CAPZB: variants seen among roughly 807,000 people sequenced by gnomAD.
CAPZB encodes the protein F-actin-capping protein subunit beta.
In CAPZB, 2 loss-of-function variants were observed where a neutral mutation model predicts 38.1. The observed-to-expected ratio is 0.05, with a 90% confidence interval of 0.02 to 0.17. CAPZB has a LOEUF of 0.17. Ranked by LOEUF, CAPZB falls within the 10% of genes least tolerant of loss-of-function variation. The pLI, the probability that CAPZB is intolerant of heterozygous loss-of-function variation, is 1.00. For missense variants in CAPZB, 161 were observed against 334.2 expected, an observed-to-expected ratio of 0.48 and a Z score of 4.04; for synonymous variants, 107 against 127.4, an observed-to-expected ratio of 0.84 and a Z score of 1.08.
At chr1:19,397,376 C>T (rs1358215366) in intron 2 of CAPZB, among the ~76,000 whole-genome samples, 1 of 152,216 alleles carries the variant, frequency 6.6e-6, no homozygotes, top group Non-Finnish European at 1.5e-5. Context: ...TCCCACATTA[C>T]TGTTTACAGG....
intron 2 of CAPZB, among the ~76,000 whole-genome samples, chr1:19,405,840 G>A (rs185321581): frequency 4.4e-4 from 67 of 152,342 alleles, no homozygotes; most frequent in African/African-American, 1.6e-3. Context: ...TCGAGAGCTC[G>A]CCTGAAGGTT....
rs983115609 is a variant in CAPZB, at chr1:19,432,057, A to G, written c.4-12307T>C. Among the ~76,000 whole-genome samples the G allele has an allele frequency of 4.7e-3, 435 of 92,644 alleles. 2 individuals are homozygous for G. Among genetic ancestry groups the G allele is most frequent in the African/African-American group, 0.028 (418 of 15,048 alleles). The allele number at this position is 92,644 out of a possible 152,430, so 60.8% of individuals were successfully genotyped here. A position where few individuals can be genotyped will look rare whatever the true frequency, so the allele number is the denominator to read the frequency against. Reference sequence around the variant, plus strand: ...GATCCTGTCTCAAAAAAAAAAAAAAAAAAAAAAAGAAAAAAAAAGAAAATA... The same window carrying G: ...GATCCTGTCTCAAAAAAAAAAAAAAGAAAAAAAAGAAAAAAAAAGAAAATA... On this transcript the variant is annotated intron_variant, in intron 1 of 8. Coordinates refer to ENST00000264202, the MANE Select transcript of CAPZB (RefSeq NM_004930.5).
At chr1:19,348,648 A>ACTGGG (rs1183089163) in intron 6 of CAPZB, among the ~76,000 whole-genome samples, 3 of 151,698 alleles carry the variant, frequency 2.0e-5, no homozygotes, top group African/African-American at 7.3e-5. Context: ...ATCACGGCTC[A>ACTGGG]CTGGGCTGGA....
At chr1:19,385,369 G>GC in intron 3 of CAPZB, 136 bp downstream of exon 3, 2 of 835,088 alleles carry the variant, frequency 2.4e-6, no homozygotes, top group Non-Finnish European at 3.8e-6. Context: ...AGGAGAGGAG[G>GC]GCAGGGAACA....
intron 2 of CAPZB, among the ~76,000 whole-genome samples, chr1:19,406,910 G>A (rs2094335293): frequency 6.6e-6 from 1 of 152,178 alleles, no homozygotes; most frequent in Non-Finnish European, 1.5e-5. Flanking sequence ...CATTCTTGAA[G>A]TTAGTGTCAT....
Position 19,399,196 on chromosome 1 carries a change from C to T in CAPZB, c.94-13570G>A, listed in dbSNP as rs117287952. ...TTGCGTGTGCTAAAAACCATTGGAC[C>T]GTACACTTTAAAAGTGTAAATGTTA... is the stretch of plus-strand genomic sequence containing the variant. On this transcript the variant is annotated intron_variant, in intron 2 of 8. Coordinates refer to ENST00000264202, the MANE Select transcript of CAPZB (RefSeq NM_004930.5). 3.3e-3 allele frequency among the ~76,000 whole-genome samples: 501 copies of T among 152,168 alleles called. 6 individuals are homozygous for T. Among genetic ancestry groups the T allele is most frequent in the East Asian group, 0.031 (160 of 5,164 alleles).
At chr1:19,373,755 GA>G (rs2094131307) in intron 4 of CAPZB, among the ~76,000 whole-genome samples, 1 of 151,622 alleles carries the variant, frequency 6.6e-6, no homozygotes, top group Admixed American at 6.6e-5. Context: ...ATGATGGCAT[GA>G]CTATAGCTCA....
intron 2 of CAPZB, among the ~76,000 whole-genome samples, chr1:19,388,490 G>A (rs1167544901): frequency 6.6e-6 from 1 of 152,208 alleles, no homozygotes; most frequent in East Asian, 1.9e-4. Context: ...CAGGTAATAG[G>A]AATCTTTAGC....
At chr1:19,399,471 T>C (rs2094291414) in intron 2 of CAPZB, among the ~76,000 whole-genome samples, 1 of 152,186 alleles carries the variant, frequency 6.6e-6, no homozygotes, top group Admixed American at 6.5e-5. Flanking sequence ...TCTTCACTCT[T>C]ACTACCCAGA....
At chr1:19,398,784 C>T (rs907310192) in intron 2 of CAPZB, among the ~76,000 whole-genome samples, 3 of 151,708 alleles carry the variant, frequency 2.0e-5, no homozygotes, top group African/African-American at 7.3e-5. Flanking sequence ...GGGCAGGTCG[C>T]AAAGCAGCCC....
At chr1:19,416,953 C>T (rs1401145801) in intron 2 of CAPZB, among the ~76,000 whole-genome samples, 5 of 150,958 alleles carry the variant, frequency 3.3e-5, no homozygotes, top group Non-Finnish European at 7.4e-5. Flanking sequence ...TAGATACGGC[C>T]TGGCACTTCA....
chr1:19,394,659 T>G (rs1162054106), intron 2 of CAPZB, among the ~76,000 whole-genome samples: 2 of 152,144 alleles, frequency 1.3e-5, no homozygotes, highest in Non-Finnish European at 2.9e-5. Context: ...GAGGTTGCAG[T>G]GAGCAGAGAT....
At chr1:19,346,179 C>T (rs1187545093) in intron 6 of CAPZB, among the ~76,000 whole-genome samples, 3 of 152,032 alleles carry the variant, frequency 2.0e-5, no homozygotes, top group Non-Finnish European at 4.4e-5. Flanking sequence ...AAATGCTCAA[C>T]GTTACTACAC....
chr1:19,432,209 G>A (rs190926274), intron 1 of CAPZB, among the ~76,000 whole-genome samples: 5 of 152,086 alleles, frequency 3.3e-5, no homozygotes, highest in Admixed American at 1.3e-4. Flanking sequence ...TTGGGAGGTC[G>A]AGGTAGGCAG....
At position 19,358,420 on chromosome 1, in the gene CAPZB, G is replaced by T. The variant is rs536029853; in HGVS notation, c.330-857C>A. Among the ~76,000 whole-genome samples the T allele has an allele frequency of 2.6e-5, 4 of 152,358 alleles. No homozygotes were observed. The South Asian group carries it at 8.3e-4, about 32-fold the overall frequency. On this transcript the variant is annotated intron_variant, in intron 4 of 8. Transcript: ENST00000264202. ...CCCAAAGTGCTGGGATTACAGGCAT[G>T]AGCCACTGCGCCTGGCCCAGAAACA...
chr1:19,471,180 T>C (rs551538477), intron 1 of CAPZB, among the ~76,000 whole-genome samples: 77 of 152,356 alleles, frequency 5.1e-4, no homozygotes, highest in African/African-American at 1.8e-3. Context: ...GTGCATGTGG[T>C]ATTCTCTTCA....
intron 4 of CAPZB, among the ~76,000 whole-genome samples, chr1:19,369,111 C>T (rs1466584740): frequency 6.6e-6 from 1 of 152,184 alleles, no homozygotes; most frequent in Non-Finnish European, 1.5e-5. Flanking sequence ...TTGTTTTCTG[C>T]ACACTCCTGT....
chr1:19,440,783 G>A (rs533552613), intron 1 of CAPZB, among the ~76,000 whole-genome samples: 7 of 152,300 alleles, frequency 4.6e-5, no homozygotes, highest in South Asian at 2.1e-4. Context: ...CTGCTAGGCC[G>A]GGCGCGGTGG....
At chr1:19,483,701 C>T (rs559178160) in intron 1 of CAPZB, among the ~76,000 whole-genome samples, 3 of 152,354 alleles carry the variant, frequency 2.0e-5, no homozygotes, top group East Asian at 3.9e-4. Context: ...AGTCCTCACC[C>T]ACCACTGCCC....
Sources: gnomAD v4.1 joint callset for allele counts (sites outside exome capture counted in the v4.1 genomes callset) on GRCh38, gnomAD v4.1.1 for gene constraint, MANE v1.5 for transcripts, NCBI Gene and HGNC (gene_info 2026-07-23, HGNC 2026-07-21) for gene names.